The following ZHX2 variants were observed in gnomAD, a reference collection of about 807,000 sequenced individuals.
The protein encoded by ZHX2 is zinc fingers and homeoboxes 2.
In ZHX2, 6 loss-of-function variants were observed where a neutral mutation model predicts 21.9. That is an observed-to-expected ratio of 0.27 (90% CI 0.15 to 0.54). The LOEUF is 0.54. Among genes scored for constraint, ZHX2 ranks in the 20% least tolerant of loss-of-function variants. The pLI is 0.95. For missense variants in ZHX2, 908 were observed against 1,090.7 expected (o/e 0.83, Z 2.36); for synonymous variants, 434 against 437.1 (o/e 0.99, Z 0.09).
intron 3 of ZHX2, among the ~76,000 whole-genome samples, chr8:122,969,505 A>G (rs1563612305): frequency 6.6e-6 from 1 of 152,148 alleles, no homozygotes; most frequent in Non-Finnish European, 1.5e-5. Flanking sequence ...TCACTAAATT[A>G]CATCCATTAT....
intron 1 of ZHX2, among the ~76,000 whole-genome samples, chr8:122,795,380 C>T (rs769614209): frequency 2.0e-5 from 3 of 152,272 alleles, no homozygotes; most frequent in African/African-American, 4.8e-5. Context: ...AGCCCTGCTC[C>T]CTTGTCTGGA....
At position 122,782,108 on chromosome 8, in the gene ZHX2, T is replaced by G. The variant is rs1586568105; in HGVS notation, c.-283+162T>G. ...AATGGGACTTGGCCGGGTTTGTGATTGGAAGGGGGGTACGGAAGGGGGGGG... is the reference window on the plus strand; with the variant it reads ...AATGGGACTTGGCCGGGTTTGTGATGGGAAGGGGGGTACGGAAGGGGGGGG... On this transcript the variant is annotated intron_variant, in intron 1 of 3. Transcript: ENST00000314393. The surrounding 1 kb of genome is among the most constrained non-coding windows in gnomAD (Gnocchi z 5.3). Among the ~76,000 whole-genome samples the G allele has an allele frequency of 1.7e-5, 1 of 57,480 alleles. No homozygotes were observed. Among genetic ancestry groups the G allele is most frequent in the Non-Finnish European group, 3.8e-5 (1 of 26,088 alleles). The allele number at this position is 57,480 out of a possible 152,430, so 37.7% of individuals were successfully genotyped here.
Position 122,953,770 on chromosome 8 carries a change from G to C in ZHX2, c.2260G>C (p.Glu754Gln), listed in dbSNP as rs983699068. ...KLVTRVKVGS[E>Q]PAKDCLPAKP... ...GGTGACCAGGGTAAAAGTAGGCAGCGAGCCAGCAAAAGACTGTTTGCCAGC... is the reference window on the plus strand; with the variant it reads ...GGTGACCAGGGTAAAAGTAGGCAGCCAGCCAGCAAAAGACTGTTTGCCAGC... Residue 754 changes from glutamate to glutamine, a missense_variant, in exon 3 of 4, where the codon GAG becomes CAG. Around this residue, in one of 4 missense-constraint regions of ZHX2, gnomAD observed 431 missense variants for 428.6 expected, o/e 1.01. Transcript: ENST00000314393. The surrounding 1 kb of genome is among the most constrained non-coding windows in gnomAD (Gnocchi z 4.6). 3.7e-6 allele frequency: 6 copies of C among 1,614,248 alleles called. No homozygotes were observed. The highest frequency in any genetic ancestry group is 4.2e-6 in the Non-Finnish European group (5 of 1,180,054).
At chr8:122,905,868 T>G (rs998938308) in intron 2 of ZHX2, among the ~76,000 whole-genome samples, 1 of 152,250 alleles carries the variant, frequency 6.6e-6, no homozygotes, top group African/African-American at 2.4e-5. Flanking sequence ...TGCACTAACC[T>G]AATAGAATAA....
rs573964920 is a variant in ZHX2, at chr8:122,842,294, C to T, written c.-282-21183C>T. 4.6e-5 allele frequency among the ~76,000 whole-genome samples: 7 copies of T among 152,362 alleles called. No homozygotes were observed. The South Asian group carries it at 1.0e-3, about 23-fold the overall frequency. ...TCTTCTCTCAGGGCCCCCAGTCCTA[C>T]CAGGCCTGCTTCCCCAGCCTACTTC... On this transcript the variant is annotated intron_variant, in intron 1 of 3. Coordinates refer to ENST00000314393, the MANE Select transcript of ZHX2 (RefSeq NM_014943.5).
chr8:122,828,104 C>A lies in ZHX2; in HGVS notation c.-282-35373C>A, dbSNP rs1238700329. On this transcript the variant is annotated intron_variant, in intron 1 of 3. Coordinates refer to ENST00000314393, the MANE Select transcript of ZHX2 (RefSeq NM_014943.5). The surrounding 1 kb of genome is among the most constrained non-coding windows in gnomAD (Gnocchi z 5.2). The stretch of plus-strand genomic sequence containing the variant: ...ACTCCAGCCTGGGCGACAGTGAGAC[C>A]CTGTCTCTAAATAAATAAATAAAAG... Among the ~76,000 whole-genome samples the A allele has an allele frequency of 2.5e-4, 38 of 151,876 alleles. No individual in the cohort carries two copies. The highest frequency in any genetic ancestry group is 2.4e-3 in the Admixed American group (37 of 15,246).
intron 2 of ZHX2, among the ~76,000 whole-genome samples, chr8:122,949,778 G>A (rs1408015820): frequency 6.6e-6 from 1 of 152,176 alleles, no homozygotes; most frequent in African/African-American, 2.4e-5. Flanking sequence ...GGCTGAGGCA[G>A]GAGGATTACT....
intron 1 of ZHX2, among the ~76,000 whole-genome samples, chr8:122,835,277 A>C (rs1278880849): frequency 6.6e-6 from 1 of 152,256 alleles, no homozygotes; most frequent in Non-Finnish European, 1.5e-5. Context: ...CGCTGAAGTA[A>C]GGGCGGGGCA....
At chr8:122,895,487 G>A (rs1160764388) in intron 2 of ZHX2, among the ~76,000 whole-genome samples, 1 of 152,152 alleles carries the variant, frequency 6.6e-6, no homozygotes, top group Non-Finnish European at 1.5e-5. Context: ...ATTTCTATAA[G>A]CCCTTTTAAA....
intron 1 of ZHX2, among the ~76,000 whole-genome samples, chr8:122,852,003 T>A (rs141794989): frequency 1.3e-5 from 2 of 152,340 alleles, no homozygotes; most frequent in Non-Finnish European, 2.9e-5. Context: ...TGGTTCTCCT[T>A]CCTGTTTAAT....
intron 2 of ZHX2, among the ~76,000 whole-genome samples, chr8:122,904,281 C>CACAG: frequency 6.6e-6 from 1 of 152,162 alleles, no homozygotes; most frequent in East Asian, 1.9e-4. Context: ...AGCCAAAGGT[C>CACAG]ACAGAAAAAA....
intron 2 of ZHX2, among the ~76,000 whole-genome samples, chr8:122,946,009 C>T (rs1002770158): frequency 7.9e-5 from 12 of 152,194 alleles, no homozygotes; most frequent in Admixed American, 2.6e-4. Flanking sequence ...AGTTCAGACC[C>T]GCTGAGACAC....
chr8:122,905,492 C>A (rs1270384786), intron 2 of ZHX2, among the ~76,000 whole-genome samples: 1 of 152,068 alleles, frequency 6.6e-6, no homozygotes, highest in Non-Finnish European at 1.5e-5. Flanking sequence ...GGATTTTTAG[C>A]CAACAGCTCT....
intron 1 of ZHX2, among the ~76,000 whole-genome samples, chr8:122,851,747 C>T (rs774358715): frequency 2.6e-5 from 4 of 152,282 alleles, no homozygotes; most frequent in South Asian, 4.2e-4. Context: ...CTTATTTGCC[C>T]GGGGCTTGGG....
chr8:122,829,393 A>G (rs1478527568), intron 1 of ZHX2, among the ~76,000 whole-genome samples: 2 of 152,262 alleles, frequency 1.3e-5, no homozygotes, highest in African/African-American at 4.8e-5. Flanking sequence ...AGCTTCAAGA[A>G]CTTATAACAA....
intron 1 of ZHX2, among the ~76,000 whole-genome samples, chr8:122,799,643 T>C (rs1047774604): frequency 6.6e-6 from 1 of 152,198 alleles, no homozygotes; most frequent in Non-Finnish European, 1.5e-5. Flanking sequence ...TTTTAGCTCT[T>C]AGCCTGCTGA....
chr8:122,835,368 G>C (rs1341985305), intron 1 of ZHX2, among the ~76,000 whole-genome samples: 2 of 152,250 alleles, frequency 1.3e-5, no homozygotes, highest in Non-Finnish European at 2.9e-5. Context: ...GGGTTTGAAG[G>C]GGGAAGGGTG....
intron 2 of ZHX2, among the ~76,000 whole-genome samples, chr8:122,892,268 C>G (rs2129873497): frequency 6.6e-6 from 1 of 152,240 alleles, no homozygotes; most frequent in East Asian, 1.9e-4. Flanking sequence ...ATTCTGTTTG[C>G]ATGGAATATC....
chr8:122,897,554 T>G (rs192160661), intron 2 of ZHX2, among the ~76,000 whole-genome samples: 128 of 152,326 alleles, frequency 8.4e-4, no homozygotes, highest in African/African-American at 2.9e-3. Flanking sequence ...CTTCTTAATG[T>G]AGTGTTTAGA....
Sources: gnomAD v4.1 joint callset for allele counts (sites outside exome capture counted in the v4.1 genomes callset) on GRCh38, gnomAD v4.1.1 for gene constraint, gnomAD v4.1.1 regional missense constraint, Gnocchi (gnomAD v3.1) non-coding constraint, MANE v1.5 for transcripts, NCBI Gene and HGNC (gene_info 2026-07-23, HGNC 2026-07-21) for gene names.